Variants in CNTN3 observed in about 807,000 individuals in gnomAD.
The protein encoded by CNTN3 is contactin 3.
In CNTN3, 60 loss-of-function variants were observed where a neutral mutation model predicts 119.1. The observed-to-expected ratio is 0.50, with a 90% CI of 0.41 to 0.62. The LOEUF is 0.62. CNTN3 is among the 20% of genes least tolerant of loss of function. The pLI, the probability that CNTN3 is intolerant of heterozygous loss-of-function variation, is 0.00. For missense variants in CNTN3, 1,101 were observed against 1,242.4 expected, an observed-to-expected ratio of 0.89 and a Z score of 1.71; for synonymous variants, 450 against 438.7, an observed-to-expected ratio of 1.03 and a Z score of -0.32.
chr3:74,454,834 C>T (rs1702234974), intron 4 of CNTN3, among the ~76,000 whole-genome samples: 1 of 152,080 alleles, frequency 6.6e-6, no homozygotes, highest in Admixed American at 6.6e-5. Context: ...TGAATATTGG[C>T]CCCCACTCTC....
intron 4 of CNTN3, among the ~76,000 whole-genome samples, chr3:74,479,763 T>C (rs1421158834): frequency 6.6e-6 from 1 of 151,968 alleles, no homozygotes; most frequent in African/African-American, 2.4e-5. Flanking sequence ...GACAATTTTG[T>C]TCCTGATATA....
At position 74,263,153 on chromosome 3, in the gene CNTN3, T is replaced by G. The variant is rs1033188918; in HGVS notation, c.*1248A>C. ...TGTTGAAAACTCAATCTGCTGATTT[T>G]AATTTATTCTCTATATATTGCTATG... On this transcript the variant is annotated 3_prime_UTR_variant, in exon 23 of 23. Transcript: ENST00000263665. 1.3e-5 allele frequency: 2 copies of G among 152,166 alleles called. No homozygotes were observed. Among genetic ancestry groups the G allele is most frequent in the Non-Finnish European group, 2.9e-5 (2 of 67,998 alleles). The allele number at this position is 152,166 out of a possible 1,614,324, so 9.4% of individuals were successfully genotyped here.
chr3:74,609,298 T>A (rs1705042398), intron 1 of CNTN3, among the ~76,000 whole-genome samples: 1 of 152,172 alleles, frequency 6.6e-6, no homozygotes, highest in South Asian at 2.1e-4. Flanking sequence ...AATACAGCAC[T>A]GCGTGTCAAA....
At chr3:74,366,774 G>GTATATATATA (rs1559565914) in intron 8 of CNTN3, among the ~76,000 whole-genome samples, 1 of 38,988 alleles carries the variant, frequency 2.6e-5, no homozygotes, top group East Asian at 8.3e-4. Flanking sequence ...GTGTGTGTGT[G>GTATATATATA]TGTGTGTATA....
At chr3:74,348,206 A>G (rs543751555) in intron 11 of CNTN3, among the ~76,000 whole-genome samples, 1 of 152,108 alleles carries the variant, frequency 6.6e-6, no homozygotes, top group East Asian at 1.9e-4. Context: ...CACACACAAA[A>G]TGGTAACTAT....
At chr3:74,464,105 ATAG>A in intron 4 of CNTN3, among the ~76,000 whole-genome samples, 1 of 152,146 alleles carries the variant, frequency 6.6e-6, no homozygotes, top group Non-Finnish European at 1.5e-5. Flanking sequence ...AGAAGGAAAA[ATAG>A]TAGGCTTTCA....
intron 3 of CNTN3, among the ~76,000 whole-genome samples, chr3:74,491,540 G>A (rs949258310): frequency 6.6e-6 from 1 of 152,124 alleles, no homozygotes; most frequent in South Asian, 2.1e-4. Flanking sequence ...AAAAAAACTT[G>A]AAGGGATACG....
intron 5 of CNTN3, among the ~76,000 whole-genome samples, chr3:74,372,590 T>TAA (rs74983590): frequency 1.4e-5 from 2 of 143,328 alleles, no homozygotes; most frequent in Non-Finnish European, 1.5e-5. Flanking sequence ...CAATAGAGTT[T>TAA]AAAAAAAAAA....
intron 5 of CNTN3, among the ~76,000 whole-genome samples, chr3:74,408,908 T>C (rs142922561): frequency 6.6e-6 from 1 of 152,328 alleles, no homozygotes; most frequent in East Asian, 1.9e-4. Context: ...GGAACTAACA[T>C]ACAGTAAAAT....
intron 20 of CNTN3, among the ~76,000 whole-genome samples, chr3:74,268,997 G>T (rs17012298): frequency 0.015 from 2,268 of 149,960 alleles, 56 homozygotes; most frequent in African/African-American, 0.051. Flanking sequence ...CACAACATAC[G>T]TGGGCTGAAT....
chr3:74,568,324 T>C (rs146030475), intron 1 of CNTN3, among the ~76,000 whole-genome samples: 188 of 152,306 alleles, frequency 1.2e-3, no homozygotes, highest in African/African-American at 3.8e-3. Flanking sequence ...GGGGAAAACA[T>C]TTTCTCTCAC....
intron 1 of CNTN3, among the ~76,000 whole-genome samples, chr3:74,558,909 G>C (rs1203732392): frequency 6.6e-6 from 1 of 151,680 alleles, no homozygotes; most frequent in Non-Finnish European, 1.5e-5. Flanking sequence ...ATTGAAACTG[G>C]GAGGTGGAGG....
chr3:74,427,173 C>T (rs778401302), intron 4 of CNTN3, among the ~76,000 whole-genome samples: 3 of 152,112 alleles, frequency 2.0e-5, no homozygotes, highest in South Asian at 2.1e-4. Context: ...TCTGATATGG[C>T]CGGTTCATGG....
chr3:74,380,067 A>C (rs1397963686), intron 5 of CNTN3, among the ~76,000 whole-genome samples: 1 of 151,468 alleles, frequency 6.6e-6, no homozygotes, highest in African/African-American at 2.4e-5. Flanking sequence ...AGATTCCCAA[A>C]ACGACAGCAC....
At chr3:74,273,106 C>A (rs1701813901) in intron 20 of CNTN3, among the ~76,000 whole-genome samples, 1 of 151,956 alleles carries the variant, frequency 6.6e-6, no homozygotes, top group Non-Finnish European at 1.5e-5. Context: ...GAGCCAAAAC[C>A]CAGACTGGAC....
At chr3:74,567,103 C>T in intron 1 of CNTN3, among the ~76,000 whole-genome samples, 1 of 151,932 alleles carries the variant, frequency 6.6e-6, no homozygotes, top group Admixed American at 6.6e-5. Flanking sequence ...CCACATAATG[C>T]GTCTACCACA....
At chr3:74,609,917 G>A (rs1465765313) in intron 1 of CNTN3, among the ~76,000 whole-genome samples, 1 of 152,148 alleles carries the variant, frequency 6.6e-6, no homozygotes, top group Non-Finnish European at 1.5e-5. Flanking sequence ...CCAAGGAAAT[G>A]AACAGAAAGA....
intron 2 of CNTN3, among the ~76,000 whole-genome samples, chr3:74,507,448 C>A (rs1355492702): frequency 1.3e-5 from 2 of 149,710 alleles, no homozygotes. Flanking sequence ...ACTAATACGA[C>A]TTAGTGATTG....
intron 1 of CNTN3, among the ~76,000 whole-genome samples, chr3:74,580,068 T>C (rs1197243782): frequency 1.3e-5 from 2 of 152,104 alleles, no homozygotes; most frequent in African/African-American, 4.8e-5. Flanking sequence ...TCACAACAGA[T>C]GCTACAAACA....
Sources: allele counts gnomAD v4.1 joint callset (sites outside exome capture counted in the v4.1 genomes callset), GRCh38; gene constraint gnomAD v4.1.1; transcripts MANE v1.5; gene names NCBI Gene and HGNC (gene_info 2026-07-23, HGNC 2026-07-21).